LEMD1: variants seen among roughly 807,000 people sequenced by gnomAD.
LEMD1 encodes LEM domain-containing protein 1.
A neutral mutation model predicts 17.4 loss-of-function variants in LEMD1; 18 were observed. That is an observed-to-expected ratio of 1.04 (90% confidence interval 0.72 to 1.54). LEMD1 has a LOEUF of 1.54. Among genes scored for constraint, LEMD1 ranks in the 40% most tolerant of loss-of-function variants. LEMD1 has a pLI of 0.00. For synonymous variants in LEMD1, 88 were observed against 77.8 expected (o/e 1.13, Z -0.69); for missense variants, 195 against 210.4 (o/e 0.93, Z 0.45).
At chr1:205,407,136 C>G (rs1292439403) in intron 4 of LEMD1, among the ~76,000 whole-genome samples, 3 of 151,950 alleles carry the variant, frequency 2.0e-5, no homozygotes, top group African/African-American at 7.3e-5. Flanking sequence ...TCAAGACCAG[C>G]CTAGCCAACA....
intron 4 of LEMD1, among the ~76,000 whole-genome samples, chr1:205,388,930 G>A (rs1412021726): frequency 6.7e-6 from 1 of 148,242 alleles, no homozygotes; most frequent in Non-Finnish European, 1.5e-5. Context: ...ATGTCATACT[G>A]TATCACATTA....
intron 4 of LEMD1, among the ~76,000 whole-genome samples, chr1:205,400,554 C>T (rs991729839): frequency 6.6e-6 from 1 of 152,184 alleles, no homozygotes; most frequent in South Asian, 2.1e-4. Flanking sequence ...TGAGGTTCAC[C>T]CTTGTGATGT....
chr1:205,422,352 T>C (rs539481484), upstream of LEMD1, among the ~76,000 whole-genome samples: 47 of 152,294 alleles, frequency 3.1e-4, no homozygotes, highest in Non-Finnish European at 6.2e-4. Context: ...CAAACCCAAC[T>C]GTCTAGACCA....
intron 4 of LEMD1, among the ~76,000 whole-genome samples, chr1:205,403,725 A>C (rs374596234): frequency 2.7e-4 from 41 of 151,710 alleles, no homozygotes; most frequent in African/African-American, 9.4e-4. Flanking sequence ...GATTTTAGTT[A>C]TTTCTTGCCT....
intron 4 of LEMD1, among the ~76,000 whole-genome samples, chr1:205,391,243 A>AT (rs1042078287): frequency 6.6e-6 from 1 of 152,148 alleles, no homozygotes; most frequent in African/African-American, 2.4e-5. Flanking sequence ...AGTACAGCCA[A>AT]TCCCCCTGGA....
intron 4 of LEMD1, among the ~76,000 whole-genome samples, chr1:205,407,245 G>A (rs897181328): frequency 6.6e-6 from 1 of 151,438 alleles, no homozygotes; most frequent in Non-Finnish European, 1.5e-5. Context: ...CAGGAGAACT[G>A]GTTGAACCTG....
In LEMD1 at chr1:205,384,300, G is replaced by A. The variant is rs1209758657; in HGVS notation, c.335C>T (p.Ser112Phe). The A allele has an allele frequency of 6.6e-7, 1 of 1,504,612 alleles. No individual in the cohort carries two copies. Among genetic ancestry groups the A allele is most frequent in the Non-Finnish European group, 8.9e-7 (1 of 1,125,438 alleles). The allele number at this position is 1,504,612 out of a possible 1,614,324, so 93.2% of individuals were successfully genotyped here. Residue 112 changes from serine to phenylalanine, a missense_variant, in exon 5 of 6, where the codon TCC (serine) becomes TTC (phenylalanine). Ser to Phe is a radical substitution (Grantham distance 155). Transcript: ENST00000367153. ...VDTYCLDYKPSKGRRWAARAP... is the reference protein window; with the variant it reads ...VDTYCLDYKPFKGRRWAARAP... The stretch of plus-strand genomic sequence containing the variant: ...AAAACATCATTACCTTCTTCCCTTG[G>A]AAGGCTTATAATCCAAGCAATAGGT...
intron 4 of LEMD1, among the ~76,000 whole-genome samples, chr1:205,403,261 G>A (rs1664937643): frequency 6.6e-6 from 1 of 152,118 alleles, no homozygotes; most frequent in Non-Finnish European, 1.5e-5. Flanking sequence ...GATTGGAATA[G>A]TTTCAGAAGG....
intron 4 of LEMD1, among the ~76,000 whole-genome samples, chr1:205,388,202 C>CTTT (rs11317071): frequency 2.1e-5 from 3 of 145,906 alleles, no homozygotes; most frequent in East Asian, 2.0e-4. Flanking sequence ...ATCTTTCTTT[C>CTTT]TTTTTTTTTT....
chr1:205,414,590 A>G (rs1254752800), intron 4 of LEMD1, among the ~76,000 whole-genome samples: 1 of 151,994 alleles, frequency 6.6e-6, no homozygotes, highest in African/African-American at 2.4e-5. Context: ...ACACCCAGCC[A>G]GTTTTTTTAT....
At chr1:205,424,933 T>C (rs1448172315), upstream of LEMD1, among the ~76,000 whole-genome samples, 1 of 152,186 alleles carries the variant, frequency 6.6e-6, no homozygotes, top group African/African-American at 2.4e-5. Context: ...TTGGAGGTTA[T>C]TACAACACTC....
At chr1:205,424,968 G>A (rs545204440), upstream of LEMD1, among the ~76,000 whole-genome samples, 7 of 152,314 alleles carry the variant, frequency 4.6e-5, no homozygotes, top group South Asian at 1.0e-3. Context: ...TTCCATTTGG[G>A]GGAGGACTAG....
At chr1:205,407,141 C>G (rs960896341) in intron 4 of LEMD1, among the ~76,000 whole-genome samples, 1 of 151,938 alleles carries the variant, frequency 6.6e-6, no homozygotes, top group Admixed American at 6.6e-5. Context: ...ACCAGCCTAG[C>G]CAACATGATG....
chr1:205,416,644 G>C (rs990858591), intron 3 of LEMD1, among the ~76,000 whole-genome samples: 3 of 152,144 alleles, frequency 2.0e-5, no homozygotes, highest in Non-Finnish European at 4.4e-5. Context: ...TAGGAAGGGA[G>C]GATTTTCTCC....
At chr1:205,390,009 A>T (rs1196175011) in intron 4 of LEMD1, among the ~76,000 whole-genome samples, 1 of 152,218 alleles carries the variant, frequency 6.6e-6, no homozygotes, top group Non-Finnish European at 1.5e-5. Context: ...GCACCACATT[A>T]ACAAAAGCAA....
chr1:205,447,015 G>T (rs1470783142), intron 1 of LEMD1, among the ~76,000 whole-genome samples: 1 of 152,248 alleles, frequency 6.6e-6, no homozygotes, highest in Non-Finnish European at 1.5e-5. Context: ...CCAATTTGTG[G>T]ACGTGCATCC....
chr1:205,418,187 G>C (rs533470488), intron 3 of LEMD1, among the ~76,000 whole-genome samples: 1 of 152,128 alleles, frequency 6.6e-6, no homozygotes, highest in Admixed American at 6.5e-5. Flanking sequence ...ATGAGCATTC[G>C]GCCCAGGTTG....
At chr1:205,413,854 A>T (rs1665571441) in intron 4 of LEMD1, among the ~76,000 whole-genome samples, 1 of 151,958 alleles carries the variant, frequency 6.6e-6, no homozygotes, top group Non-Finnish European at 1.5e-5. Context: ...GGGTTTCGCC[A>T]TGTTAGCCAG....
intron 5 of LEMD1, among the ~76,000 whole-genome samples, chr1:205,383,215 T>G (rs1663808789): frequency 6.6e-6 from 1 of 152,170 alleles, no homozygotes; most frequent in Non-Finnish European, 1.5e-5. Flanking sequence ...TGCGTCAGCC[T>G]CCCAGGTAAC....
Sources: allele counts gnomAD v4.1 joint callset (sites outside exome capture counted in the v4.1 genomes callset), GRCh38; gene constraint gnomAD v4.1.1; transcripts MANE v1.5; gene names NCBI Gene and HGNC (gene_info 2026-07-23, HGNC 2026-07-21).